FBLN1: variants seen among roughly 807,000 people sequenced by gnomAD.
FBLN1 encodes the protein fibulin 1, also known as fibulin-1.
Under a neutral mutation model 89.7 loss-of-function variants are expected in FBLN1, and 34 were observed. The ratio of observed to expected loss-of-function variants is 0.38; its 90% confidence interval spans 0.29 to 0.50. FBLN1 has a LOEUF of 0.50. Among genes scored for constraint, FBLN1 ranks in the 20% least tolerant of loss-of-function variants. The pLI is 0.92. For missense variants in FBLN1, 777 were observed against 988.1 expected (o/e 0.79, Z 2.86); for synonymous variants, 393 against 391.3 (o/e 1.00, Z -0.05).
rs56907104 is a variant in FBLN1, at chr22:45,569,642, A to AAAGAAGAAGAAG, written c.1698-4840_1698-4829dup. Among the ~76,000 whole-genome samples, 1,045 of 149,848 alleles carry AAAGAAGAAGAAG rather than the reference A, an allele frequency of 7.0e-3. 8 individuals carry two copies. The highest frequency in any genetic ancestry group is 0.031 in the Middle Eastern group (9 of 294). ...TGACAGGGCAAGACTCTGTCTCAAA[A>AAAGAAGAAGAAG]AAGAAGAAGAAGAAGAAGAAGAAGA... On this transcript the variant is annotated intron_variant, in intron 14 of 16. Coordinates refer to ENST00000327858, the MANE Select transcript of FBLN1 (RefSeq NM_006486.3).
chr22:45,518,834 G>C (rs147635694), intron 2 of FBLN1, 47 bp downstream of exon 2: 47,680 of 1,481,436 alleles, frequency 0.032, 966 homozygotes, highest in Non-Finnish European at 0.038. Context: ...TGTTCCTTTA[G>C]AGAAAAGTGG....
Position 45,572,840 on chromosome 22 carries a change from G to A in FBLN1, c.1698-1671G>A, listed in dbSNP as rs563278523. 6.6e-6 allele frequency among the ~76,000 whole-genome samples: 1 copy of A among 152,372 alleles called. No individual in the cohort carries two copies. The highest frequency in any genetic ancestry group is 1.9e-4 in the East Asian group (1 of 5,188). On this transcript the variant is annotated intron_variant, in intron 14 of 16. Coordinates refer to ENST00000327858, the MANE Select transcript of FBLN1 (RefSeq NM_006486.3). The surrounding 1 kb of genome is among the most constrained non-coding windows in gnomAD (Gnocchi z 5.8). ...AATCCAGTGGACAGAGGACCATGCT[G>A]AACTGCACCGTGAGGATGCAATCAG...
At chr22:45,570,742 A>G (rs1012257218) in intron 14 of FBLN1, among the ~76,000 whole-genome samples, 1 of 152,224 alleles carries the variant, frequency 6.6e-6, no homozygotes, top group Admixed American at 6.5e-5. Flanking sequence ...GAAATTCCAC[A>G]TTGAAATAAC....
chr22:45,547,943 T>G (rs999735957), intron 12 of FBLN1, among the ~76,000 whole-genome samples: 19 of 152,116 alleles, frequency 1.2e-4, no homozygotes, highest in Non-Finnish European at 2.8e-4. Flanking sequence ...GATGATTAAC[T>G]TCAGCCTCAC....
rs753720428 is a variant in FBLN1, at chr22:45,536,898, C to T, written c.922+1561C>T. 1.8e-4 allele frequency among the ~76,000 whole-genome samples: 28 copies of T among 152,190 alleles called. No homozygotes were observed. The highest frequency in any genetic ancestry group is 6.3e-4 in the African/African-American group (26 of 41,434). On this transcript the variant is annotated intron_variant, in intron 8 of 16. Coordinates refer to ENST00000327858, the MANE Select transcript of FBLN1 (RefSeq NM_006486.3). The surrounding 1 kb of genome is among the most constrained non-coding windows in gnomAD (Gnocchi z 5.1). The stretch of plus-strand genomic sequence containing the variant: ...CACGCTAGAGGAGCTGTGTGGGGTG[C>T]GGCCGGGGAGCTGGCCGGCCTGGGT...
intron 14 of FBLN1, among the ~76,000 whole-genome samples, chr22:45,571,126 A>C (rs1323539853): frequency 6.6e-6 from 1 of 151,142 alleles, no homozygotes; most frequent in Non-Finnish European, 1.5e-5. Context: ...AAAAAAAAAA[A>C]AAAAAAAAAA....
intron 8 of FBLN1, among the ~76,000 whole-genome samples, chr22:45,538,458 T>G (rs375700970): frequency 2.6e-5 from 4 of 152,210 alleles, no homozygotes; most frequent in African/African-American, 7.2e-5. Flanking sequence ...AGACTTTTTG[T>G]TTTTTTATGA....
In FBLN1 at chr22:45,574,722, C is replaced by A; in HGVS notation, c.1840+69C>A. The A allele has an allele frequency of 2.9e-6, 4 of 1,395,194 alleles. No individual in the cohort carries two copies. Among genetic ancestry groups the A allele is most frequent in the Admixed American group, 3.6e-5 (2 of 55,414 alleles). The allele number at this position is 1,395,194 out of a possible 1,614,324, so 86.4% of individuals were successfully genotyped here. A position where few individuals can be genotyped will look rare whatever the true frequency, so the allele number is the denominator to read the frequency against. On this transcript the variant is annotated intron_variant, in intron 15 of 16. Coordinates refer to ENST00000327858, the MANE Select transcript of FBLN1 (RefSeq NM_006486.3). The surrounding 1 kb of genome is among the most constrained non-coding windows in gnomAD (Gnocchi z 4.1). ...CCCTCGGCTTCAGCTGAGGGCTTGG[C>A]CTACAGGAGTTGTTCCTTGTAAGAT...
rs921906255 is a variant in FBLN1, at chr22:45,561,386, A to G, written c.1697+10771A>G. Among the ~76,000 whole-genome samples, 11 of 152,224 alleles carry G rather than the reference A, an allele frequency of 7.2e-5. No homozygotes were observed. The highest frequency in any genetic ancestry group is 1.6e-4 in the Non-Finnish European group (11 of 68,032). ...CACTTTGTCCACTAAACTTAGGAGC[A>G]ACCAACCAGCTTCATTATGTTCCTT... On this transcript the variant is annotated intron_variant, in intron 14 of 16. Transcript: ENST00000327858. The surrounding 1 kb of genome is among the most constrained non-coding windows in gnomAD (Gnocchi z 4.7).
At position 45,576,525 on chromosome 22, in the gene FBLN1, A is replaced by AC. The variant is rs1046259101; in HGVS notation, c.1841-446dup. 2.0e-5 allele frequency among the ~76,000 whole-genome samples: 3 copies of AC among 151,062 alleles called. No individual in the cohort carries two copies. The highest frequency in any genetic ancestry group is 3.0e-5 in the Non-Finnish European group (2 of 67,744). The stretch of plus-strand genomic sequence containing the variant: ...TGTCTGATCTGGGAGATGGACACAC[A>AC]CCCCCCAGAGAACCCAGGCCACCGC... On this transcript the variant is annotated intron_variant, in intron 15 of 16. Coordinates refer to ENST00000327858, the MANE Select transcript of FBLN1 (RefSeq NM_006486.3). This position sits in a 1 kb window ranked among gnomAD's most constrained non-coding sequence, Gnocchi z 5.2.
intron 16 of FBLN1, 79 bp from the exon 17 acceptor site, chr22:45,600,228 T>C (rs1601551955): frequency 6.3e-7 from 1 of 1,584,312 alleles, no homozygotes; most frequent in Non-Finnish European, 8.7e-7. Flanking sequence ...CTGAAACTCC[T>C]CAAGGGAAAC....
chr22:45,573,824 G>T (rs1032425003), intron 14 of FBLN1, among the ~76,000 whole-genome samples: 3 of 152,080 alleles, frequency 2.0e-5, no homozygotes, highest in African/African-American at 4.8e-5. Flanking sequence ...TCTTGACCTG[G>T]GTGGTGATTA....
intron 9 of FBLN1, 151 bp from the exon 10 acceptor site, chr22:45,542,004 G>A (rs1020916129): frequency 8.4e-6 from 10 of 1,193,896 alleles, no homozygotes; most frequent in East Asian, 4.8e-5. Context: ...TCCAGGGCCC[G>A]GCACTCAGTA....
rs552439093 is a variant in FBLN1 at position 45,525,642 on chromosome 22, C to T, written c.285C>T (p.His95=). 3.2e-5 allele frequency: 50 copies of T among 1,551,332 alleles called. No individual in the cohort carries two copies. The highest frequency in any genetic ancestry group is 1.5e-4 in the East Asian group (6 of 40,916). Residue 95 remains histidine, a synonymous_variant, in exon 3 of 17, where the codon CAC becomes CAT. Coordinates refer to ENST00000327858, the MANE Select transcript of FBLN1 (RefSeq NM_006486.3). The stretch of plus-strand genomic sequence containing the variant: ...AGCAGGACCGCTGTGCCACGCCCCA[C>T]GGTGACAACGCCAGCCTGGAGGCCA... ...ANEQDRCATP[H]GDNASLEATF...
In FBLN1 at chr22:45,543,497, G is replaced by A. The variant is rs771837629; in HGVS notation, c.1292G>A (p.Arg431Gln). 6.1e-5 allele frequency: 98 copies of A among 1,613,786 alleles called. No individual in the cohort carries two copies. Among genetic ancestry groups the A allele is most frequent in the African/African-American group, 1.5e-4 (11 of 75,040 alleles). ...CTCTGCAGCTGTTCCGTGGGCTTCC[G>A]GCTCTCTGTGGATGGCAGGTCATGT... ...SYLCSCSVGF[R>Q]LSVDGRSCED... Residue 431 changes from arginine to glutamine, a missense_variant, in exon 11 of 17, where the codon CGG becomes CAG. By Grantham distance (43) the Arg-to-Gln change is conservative. Transcript: ENST00000327858.
In FBLN1 at chr22:45,549,229, G is replaced by A. The variant is rs1301496645; in HGVS notation, c.1573+485G>A. On this transcript the variant is annotated intron_variant, in intron 13 of 16. Transcript: ENST00000327858. This position sits in a 1 kb window ranked among gnomAD's most constrained non-coding sequence, Gnocchi z 5.7. ...CCCCCTTTTCTACGAATGCTCTAGG[G>A]GGCAGTGTGTGTCCCCCAGAGCCAT... Among the ~76,000 whole-genome samples, 1 of 152,168 alleles carries A rather than the reference G, an allele frequency of 6.6e-6. No homozygotes were observed. The highest frequency in any genetic ancestry group is 2.4e-5 in the African/African-American group (1 of 41,440).
intron 14 of FBLN1, chr22:45,565,130 T>C: frequency 1.9e-6 from 3 of 1,585,514 alleles, no homozygotes; most frequent in Non-Finnish European, 2.6e-6. Flanking sequence ...ATGCCAGGTT[T>C]GCACCAGCCT....
chr22:45,568,618 T>C (rs78968530), intron 14 of FBLN1, among the ~76,000 whole-genome samples: 7 of 47,952 alleles, frequency 1.5e-4, no homozygotes, highest in African/African-American at 2.7e-4. Context: ...AAGGGAATGC[T>C]CCTCCTGTAA....
At chr22:45,506,229 ACCCCAGAATTGTTTTC>A (rs930307171) in intron 1 of FBLN1, among the ~76,000 whole-genome samples, 1 of 152,010 alleles carries the variant, frequency 6.6e-6, no homozygotes, top group Non-Finnish European at 1.5e-5. Context: ...TTCTGCCAAT[ACCCCAGAATTGTTTTC>A]CCCAAGATGC....
Sources: allele counts gnomAD v4.1 joint callset (sites outside exome capture counted in the v4.1 genomes callset), GRCh38; gene constraint gnomAD v4.1.1; non-coding constraint Gnocchi (gnomAD v3.1); transcripts MANE v1.5; gene names NCBI Gene and HGNC (gene_info 2026-07-23, HGNC 2026-07-21).